The following CIMIP5 variants were observed in gnomAD, a reference collection of about 807,000 sequenced individuals.
The protein encoded by CIMIP5 is ciliary microtubule inner protein 5, also known as uncharacterized protein C2orf50.
chr2:11,143,312 A>C, the CIMIP5 span, among the ~76,000 whole-genome samples: 1 of 152,192 alleles, frequency 6.6e-6, no homozygotes, highest in African/African-American at 2.4e-5. Context: ...GAAAGAAGCC[A>C]GACAGAAGAG....
At chr2:11,133,584 C>G in the CIMIP5 span, 1 of 1,600,352 alleles carries the variant, frequency 6.2e-7, no homozygotes, top group South Asian at 1.1e-5. Flanking sequence ...GCGGGGCCAG[C>G]AGCGCTGGTG....
the CIMIP5 span, among the ~76,000 whole-genome samples, chr2:11,152,723 A>G: frequency 6.6e-6 from 1 of 152,000 alleles, no homozygotes; most frequent in Non-Finnish European, 1.5e-5. Flanking sequence ...ACACTCCCCA[A>G]CCTCCTGAAG....
the CIMIP5 span, among the ~76,000 whole-genome samples, chr2:11,151,626 T>TTTTGG: frequency 5.9e-5 from 9 of 152,306 alleles, no homozygotes; most frequent in South Asian, 2.1e-4. Flanking sequence ...GTGTTTTTGT[T>TTTTGG]TTTGGTTTGG....
the CIMIP5 span, among the ~76,000 whole-genome samples, chr2:11,135,851 G>A: frequency 3.2e-4 from 49 of 151,976 alleles, no homozygotes; most frequent in Middle Eastern, 3.4e-3. Flanking sequence ...CCTCATTGTG[G>A]TTTTGATTTG....
At chr2:11,136,620 A>G in the CIMIP5 span, among the ~76,000 whole-genome samples, 2 of 152,164 alleles carry the variant, frequency 1.3e-5, no homozygotes, top group East Asian at 3.9e-4. Context: ...TTGGAGGATG[A>G]GGACTGACTG....
the CIMIP5 span, among the ~76,000 whole-genome samples, chr2:11,153,967 T>A: frequency 5.7e-3 from 861 of 151,580 alleles, 6 homozygotes; most frequent in African/African-American, 0.019. Flanking sequence ...CTTCAAAAAA[T>A]TTATATACAT....
chr2:11,140,516 G>T, the CIMIP5 span: 5 of 1,569,882 alleles, frequency 3.2e-6, no homozygotes, highest in Non-Finnish European at 3.5e-6. Context: ...CCAGGATTCA[G>T]AACTGGAGTT....
the CIMIP5 span, among the ~76,000 whole-genome samples, chr2:11,152,974 T>G: frequency 6.6e-6 from 1 of 152,194 alleles, no homozygotes; most frequent in Non-Finnish European, 1.5e-5. Context: ...CCATATACGT[T>G]GAGCACCTAT....
At chr2:11,143,889 C>G in the CIMIP5 span, 3 of 1,510,332 alleles carry the variant, frequency 2.0e-6, no homozygotes, top group Non-Finnish European at 2.7e-6. Flanking sequence ...TTTCCACGCT[C>G]TGTGTGACCC....
chr2:11,133,558 T>C, the CIMIP5 span: 2 of 1,605,098 alleles, frequency 1.2e-6, no homozygotes, highest in South Asian at 1.1e-5. Context: ...TGGCGGGAGC[T>C]CCTGGAGGCC....
chr2:11,142,821 G>A, the CIMIP5 span, among the ~76,000 whole-genome samples: 1 of 148,216 alleles, frequency 6.7e-6, no homozygotes, highest in Admixed American at 6.9e-5. Context: ...CTGGGCTCTA[G>A]TGATCCTCCC....
At chr2:11,153,200 GGAA>G in the CIMIP5 span, among the ~76,000 whole-genome samples, 225 of 152,312 alleles carry the variant, frequency 1.5e-3, no homozygotes, top group Middle Eastern at 0.01. Flanking sequence ...CTAGGAGCCA[GGAA>G]GAAACCTCTT....
At chr2:11,140,483 C>T in the CIMIP5 span, 2 of 1,527,052 alleles carry the variant, frequency 1.3e-6, no homozygotes, top group Non-Finnish European at 8.9e-7. Context: ...AAGGAACTCA[C>T]ACAGCCAACA....
At chr2:11,143,613 G>A in the CIMIP5 span, among the ~76,000 whole-genome samples, 2 of 152,030 alleles carry the variant, frequency 1.3e-5, no homozygotes, top group African/African-American at 2.4e-5. Context: ...ATGTAAAGTG[G>A]CATCTTAGTC....
the CIMIP5 span, among the ~76,000 whole-genome samples, chr2:11,135,665 TGG>T: frequency 8.4e-5 from 7 of 83,186 alleles, no homozygotes; most frequent in African/African-American, 3.6e-4. Context: ...GGGGTTTTTT[TGG>T]TTTTTTTTTT....
At chr2:11,134,951 C>T in the CIMIP5 span, among the ~76,000 whole-genome samples, 2 of 152,062 alleles carry the variant, frequency 1.3e-5, no homozygotes, top group Non-Finnish European at 1.5e-5. Flanking sequence ...AGGAATCTTA[C>T]AATAATGGCA....
the CIMIP5 span, among the ~76,000 whole-genome samples, chr2:11,141,248 C>T: frequency 1.3e-5 from 2 of 151,350 alleles, no homozygotes; most frequent in African/African-American, 2.4e-5. Context: ...CCTGCCTCAG[C>T]CTCCTGAGTA....
At chr2:11,135,484 G>A in the CIMIP5 span, among the ~76,000 whole-genome samples, 1 of 152,144 alleles carries the variant, frequency 6.6e-6, no homozygotes, top group South Asian at 2.1e-4. Flanking sequence ...AGGCTGGAGT[G>A]AAGTGGTGTG....
the CIMIP5 span, among the ~76,000 whole-genome samples, chr2:11,134,347 A>C: frequency 6.6e-6 from 1 of 152,202 alleles, no homozygotes; most frequent in Non-Finnish European, 1.5e-5. Flanking sequence ...TTTTTTCCAA[A>C]GGAGACACCA....
Sources: gnomAD v4.1 joint callset for allele counts (sites outside exome capture counted in the v4.1 genomes callset) on GRCh38, gnomAD v4.1.1 for gene constraint, MANE v1.5 for transcripts, NCBI Gene and HGNC (gene_info 2026-07-23, HGNC 2026-07-21) for gene names.